SLC12A4: variants seen among roughly 807,000 people sequenced by gnomAD.
The protein encoded by SLC12A4 is electroneutral potassium-chloride cotransporter 1.
SLC12A4 carries 84 observed loss-of-function variants against 119.2 expected under a neutral mutation model. The ratio of observed to expected loss-of-function variants is 0.70; its 90% CI spans 0.59 to 0.85. The LOEUF (loss-of-function observed/expected upper bound fraction) is 0.85. SLC12A4 is among the 40% of genes least tolerant of loss of function. The pLI, the probability that SLC12A4 is intolerant of heterozygous loss-of-function variation, is 0.00. For synonymous variants in SLC12A4, 599 were observed against 604.6 expected, an observed-to-expected ratio of 0.99 and a Z score of 0.14; for missense variants, 1,298 against 1,476.3, an observed-to-expected ratio of 0.88 and a Z score of 1.98.
Position 67,961,018 on chromosome 16 carries a change from G to C in SLC12A4, c.342+557C>G, listed in dbSNP as rs1412373032. Among the ~76,000 whole-genome samples the C allele has an allele frequency of 2.0e-5, 3 of 151,992 alleles. No homozygotes were observed. The East Asian group carries it at 5.8e-4, about 29-fold the overall frequency. On this transcript the variant is annotated intron_variant, in intron 3 of 23. Transcript: ENST00000316341. ...GCTCTGGATTGCATGACCTCCGAGA[G>C]ACAACCTGGTTCCTGGCTCCAAGGG... is the stretch of plus-strand genomic sequence containing the variant.
chr16:67,944,313 C>T lies in SLC12A4; in HGVS notation c.*527G>A, dbSNP rs776560126. ...CTCTTGGCGCCAGGGGAAACAGAGC[C>T]GGGGCAGCAGGAGGCCCAGAACTAC... is the stretch of plus-strand genomic sequence containing the variant. On this transcript the variant is annotated 3_prime_UTR_variant, in exon 24 of 24. Transcript: ENST00000316341. The surrounding 1 kb of genome is among the most constrained non-coding windows in gnomAD (Gnocchi z 6.6). The T allele has an allele frequency of 1.8e-5, 25 of 1,399,490 alleles. No homozygotes were observed. The highest frequency in any genetic ancestry group is 2.6e-4 in the Middle Eastern group (1 of 3,774). 86.7% of individuals were successfully genotyped at this position (1,399,490 alleles called of 1,614,324 possible). A position where few individuals can be genotyped will look rare whatever the true frequency, so the allele number is the denominator to read the frequency against.
rs751250757 is a variant in SLC12A4, at chr16:67,950,351, T to G, written c.1597A>C (p.Ile533Leu). ...AAGGGGATGATGTTGTCCTTGGCAA[T>G]GGCCTGCAATAGGCGTGGTGCCCCT... ...LTGAPRLLQA[I>L]AKDNIIPFLR... is the part of the protein sequence containing the mutation. The change falls in exon 12 of 24, where the codon ATT becomes CTT. Residue 533 changes from isoleucine (I) to leucine (L), a missense_variant. By Grantham distance (5) the Ile-to-Leu change is conservative. Coordinates refer to ENST00000316341, the MANE Select transcript of SLC12A4 (RefSeq NM_005072.5). This position sits in a 1 kb window ranked among gnomAD's most constrained non-coding sequence, Gnocchi z 4.3. 5 of 1,613,878 alleles carry G rather than the reference T, an allele frequency of 3.1e-6. No individual in the cohort carries two copies. Among genetic ancestry groups the G allele is most frequent in the Non-Finnish European group, 4.2e-6 (5 of 1,180,014 alleles).
At chr16:67,963,900 C>T in intron 1 of SLC12A4, 1 of 1,550,910 alleles carries the variant, frequency 6.4e-7, no homozygotes. Context: ...GCCTCCACGC[C>T]CCAGTCCCTT....
At position 67,945,237 on chromosome 16, in the gene SLC12A4, C is replaced by T. The variant is rs763120754; in HGVS notation, c.3033-17G>A. On this transcript the variant is annotated splice_polypyrimidine_tract_variant and intron_variant, in intron 22 of 23. Coordinates refer to ENST00000316341, the MANE Select transcript of SLC12A4 (RefSeq NM_005072.5). The stretch of plus-strand genomic sequence containing the variant: ...GATTGGTCCCTACACGTAGTGTAGC[C>T]AGTCACAGGTCGCCATGAGCCATCC... 3.9e-6 allele frequency: 6 copies of T among 1,552,156 alleles called. No homozygotes were observed. The Admixed American group carries it at 1.1e-4, about 29-fold the overall frequency.
chr16:67,958,927 TGGTCACTACA>T (rs2151335205), intron 3 of SLC12A4, among the ~76,000 whole-genome samples: 1 of 152,258 alleles, frequency 6.6e-6, no homozygotes, highest in East Asian at 1.9e-4. Context: ...CCTATCACAG[TGGTCACTACA>T]GGTCATGGTA....
At chr16:67,948,752 T>A (rs1005908349) in intron 13 of SLC12A4, among the ~76,000 whole-genome samples, 12 of 151,952 alleles carry the variant, frequency 7.9e-5, no homozygotes, top group African/African-American at 2.9e-4. Flanking sequence ...GGCTGAGATG[T>A]AGCCTCTGAT....
chr16:67,963,499 A>C lies in SLC12A4; in HGVS notation c.176T>G (p.Ile59Ser), dbSNP rs974828949. 1 of 1,583,134 alleles carries C rather than the reference A, an allele frequency of 6.3e-7. No individual in the cohort carries two copies. Among genetic ancestry groups the C allele is most frequent in the Admixed American group, 2.0e-5 (1 of 49,750 alleles). ...FLSPLEASRG[I>S]DYYDRNLALF... ...TGCCAGGTTCCTGTCATAGTAGTCA[A>C]TTCCTCTGGAAGCCTCCAAGGGGGA... Residue 59 changes from isoleucine to serine, a missense_variant, in exon 2 of 24, where the codon ATT (isoleucine) becomes AGT (serine). Transcript: ENST00000316341.
chr16:67,963,842 A>AGGGG, intron 1 of SLC12A4: 2 of 1,501,998 alleles, frequency 1.3e-6, no homozygotes, highest in African/African-American at 2.8e-5. Flanking sequence ...ACACTGAGGG[A>AGGGG]CGGGGCCTGC....
chr16:67,950,761 A>C lies in SLC12A4; in HGVS notation c.1397-50T>G. ...GGCCTCTGCCACCCCACTGTCCCTG[A>C]ATAGTACCACGTGCCCCCACCCCAG... On this transcript the variant is annotated intron_variant, in intron 10 of 23. Transcript: ENST00000316341. The surrounding 1 kb of genome is among the most constrained non-coding windows in gnomAD (Gnocchi z 4.3). 1 of 1,575,016 alleles carries C rather than the reference A, an allele frequency of 6.3e-7. No homozygotes were observed. The highest frequency in any genetic ancestry group is 1.2e-5 in the South Asian group (1 of 86,668).
At chr16:67,966,634 C>A (rs1260512743) in intron 1 of SLC12A4, 15 of 1,336,312 alleles carry the variant, frequency 1.1e-5, no homozygotes, top group Non-Finnish European at 1.4e-5. Flanking sequence ...CCATCTAGGC[C>A]TCCCAGAGCA....
chr16:67,957,636 T>C, intron 5 of SLC12A4, 106 bp downstream of exon 5: 1 of 1,325,764 alleles, frequency 7.5e-7, no homozygotes, highest in African/African-American at 1.4e-5. Flanking sequence ...GGGAGCCCAC[T>C]ACAGAACTGC....
At chr16:67,961,179 C>T (rs2030540952) in intron 3 of SLC12A4, among the ~76,000 whole-genome samples, 1 of 152,210 alleles carries the variant, frequency 6.6e-6, no homozygotes, top group South Asian at 2.1e-4. Flanking sequence ...AGCTCAGTCA[C>T]CTTAGACAAG....
chr16:67,946,111 G>C (rs766633659), intron 19 of SLC12A4, 29 bp from the exon 20 acceptor site: 2 of 1,612,810 alleles, frequency 1.2e-6, no homozygotes, highest in East Asian at 4.5e-5. Flanking sequence ...TGGGCGGTTT[G>C]GTCACAGCTG....
rs1353151500 is a variant in SLC12A4, at chr16:67,947,453, G to A, written c.1968-18C>T. 1 of 1,607,796 alleles carries A rather than the reference G, an allele frequency of 6.2e-7. No homozygotes were observed. The highest frequency in any genetic ancestry group is 1.1e-5 in the South Asian group (1 of 90,716). ...TCTCAGCCCTGCAGATTCCACCACA[G>A]CTGGTGAGCCCCTGGTGCCGCCCAG... On this transcript the variant is annotated intron_variant, in intron 15 of 23. Transcript: ENST00000316341.
intron 3 of SLC12A4, among the ~76,000 whole-genome samples, chr16:67,959,996 C>A (rs2030478693): frequency 6.6e-6 from 1 of 152,250 alleles, no homozygotes; most frequent in Non-Finnish European, 1.5e-5. Context: ...TGACCCAGCT[C>A]CTCCTTCTTC....
chr16:67,967,454 C>T (rs1348892874), intron 1 of SLC12A4, among the ~76,000 whole-genome samples: 1 of 152,234 alleles, frequency 6.6e-6, no homozygotes, highest in Non-Finnish European at 1.5e-5. Context: ...AGCCTTCACC[C>T]TGTGATACCC....
At chr16:67,952,552 C>A (rs1209694983) in intron 6 of SLC12A4, 127 bp from the exon 7 acceptor site, 3 of 1,007,956 alleles carry the variant, frequency 3.0e-6, no homozygotes, top group Non-Finnish European at 3.0e-6. Context: ...GTAATCCCAG[C>A]ACTTTGGGAG....
chr16:67,952,500 T>C, intron 6 of SLC12A4, 75 bp from the exon 7 acceptor site: 1 of 1,564,248 alleles, frequency 6.4e-7, no homozygotes, highest in Non-Finnish European at 8.8e-7. Flanking sequence ...GGTTTTCTTT[T>C]TACGAGTACC....
chr16:67,946,732 G>T, intron 17 of SLC12A4, 99 bp from the exon 18 acceptor site: 1 of 1,401,422 alleles, frequency 7.1e-7, no homozygotes, highest in Non-Finnish European at 9.7e-7. Flanking sequence ...TTTGGGTGGA[G>T]GAGGGCCTGG....
Sources: allele counts gnomAD v4.1 joint callset (sites outside exome capture counted in the v4.1 genomes callset), GRCh38; gene constraint gnomAD v4.1.1; non-coding constraint Gnocchi (gnomAD v3.1); transcripts MANE v1.5; gene names NCBI Gene and HGNC (gene_info 2026-07-23, HGNC 2026-07-21).